The following FAIM variants were observed in gnomAD, a reference collection of about 807,000 sequenced individuals.
The protein encoded by FAIM is fas apoptotic inhibitory molecule 1.
A neutral mutation model predicts 21.2 loss-of-function variants in FAIM; 14 were observed. The ratio of observed to expected loss-of-function variants is 0.66; its 90% CI spans 0.44 to 1.03. FAIM has a LOEUF of 1.03. Among genes scored for constraint, FAIM ranks in the 50% least tolerant of loss-of-function variants. FAIM has a pLI of 0.00. For missense variants in FAIM, 222 were observed against 247.1 expected (o/e 0.90, Z 0.68); for synonymous variants, 86 against 80.4 (o/e 1.07, Z -0.37).
intron 5 of FAIM, among the ~76,000 whole-genome samples, chr3:138,631,491 T>C (rs1041824032): frequency 2.0e-5 from 3 of 152,220 alleles, no homozygotes; most frequent in African/African-American, 4.8e-5. Context: ...TGTTTTGTAG[T>C]AATTAACAGG....
At chr3:138,610,937 C>T (rs779713614) in intron 1 of FAIM, 1 of 1,606,952 alleles carries the variant, frequency 6.2e-7, no homozygotes, top group Non-Finnish European at 8.5e-7. Flanking sequence ...ACGACCCTTC[C>T]TCTATGGCCC....
Position 138,629,271 on chromosome 3 carries a change from C to CA in FAIM, c.456+121dup, listed in dbSNP as rs945352511. 2.9e-5 allele frequency: 24 copies of CA among 814,348 alleles called. 1 individual carries two copies. Among genetic ancestry groups the CA allele is most frequent in the Middle Eastern group, 2.4e-4 (1 of 4,172 alleles). 50.4% of individuals were successfully genotyped at this position (814,348 alleles called of 1,614,324 possible). A position where few individuals can be genotyped will look rare whatever the true frequency, so the allele number is the denominator to read the frequency against. ...TGAATCAAGGCCCTCTTGATAAAAA[C>CA]AAAAAAGGGATTAAGTACTCCTGAC... On this transcript the variant is annotated intron_variant, in intron 5 of 5. Transcript: ENST00000360570.
At chr3:138,616,540 A>C (rs375758446) in intron 1 of FAIM, among the ~76,000 whole-genome samples, 1 of 152,042 alleles carries the variant, frequency 6.6e-6, no homozygotes, top group East Asian at 1.9e-4. Flanking sequence ...ACACCCAGCT[A>C]ATTTTTTTTG....
Position 138,608,954 on chromosome 3 carries a change from G to C in FAIM, c.-17+17G>C, listed in dbSNP as rs1196058630. 6.5e-6 allele frequency: 1 copy of C among 153,070 alleles called. No individual in the cohort carries two copies. The highest frequency in any genetic ancestry group is 2.4e-5 in the African/African-American group (1 of 41,466). The allele number at this position is 153,070 out of a possible 1,614,324, so 9.5% of individuals were successfully genotyped here. On this transcript the variant is annotated intron_variant, in intron 1 of 5. Coordinates refer to ENST00000360570, the MANE Select transcript of FAIM (RefSeq NM_001033031.2). The stretch of plus-strand genomic sequence containing the variant: ...AGAGCACAGGTGAGGCAGCAGACCG[G>C]GTGGGGTCGGTGTCGCGCCTGCGCC...
intron 5 of FAIM, chr3:138,630,555 G>A (rs1319590576): frequency 6.6e-6 from 1 of 152,178 alleles, no homozygotes; most frequent in East Asian, 1.9e-4. Flanking sequence ...TAAATTGAGT[G>A]CTTGAGCTGT....
In FAIM at chr3:138,608,902, C is replaced by G. The variant is rs2108325887; in HGVS notation, c.-52C>G. ...GGAACCAACCGGTTGTTTGGTGAAA[C>G]CTACCCCAGAGCCTCCCGCGGCCCA... On this transcript the variant is annotated 5_prime_UTR_variant, in exon 1 of 6. Coordinates refer to ENST00000360570, the MANE Select transcript of FAIM (RefSeq NM_001033031.2). 1 of 152,530 alleles carries G rather than the reference C, an allele frequency of 6.6e-6. No individual in the cohort carries two copies. The highest frequency in any genetic ancestry group is 1.9e-4 in the East Asian group (1 of 5,182). The allele number at this position is 152,530 out of a possible 1,614,324, so 9.4% of individuals were successfully genotyped here.
At chr3:138,615,019 A>G (rs1463814640) in intron 1 of FAIM, among the ~76,000 whole-genome samples, 3 of 152,130 alleles carry the variant, frequency 2.0e-5, no homozygotes, top group African/African-American at 4.8e-5. Flanking sequence ...TGCAAGTTGA[A>G]AATATTATAA....
chr3:138,621,265 G>A, intron 2 of FAIM, 142 bp from the exon 3 acceptor site: 1 of 788,688 alleles, frequency 1.3e-6, no homozygotes, highest in Non-Finnish European at 2.0e-6. Context: ...TACATGTACT[G>A]TGAGTAGAAT....
At chr3:138,617,709 T>TGCGGTG (rs2042841020) in intron 1 of FAIM, among the ~76,000 whole-genome samples, 1 of 144,922 alleles carries the variant, frequency 6.9e-6, no homozygotes, top group African/African-American at 2.5e-5. Context: ...CAGGCTGGAG[T>TGCGGTG]ACATATAATT....
At chr3:138,627,045 C>G (rs1160608249) in intron 4 of FAIM, among the ~76,000 whole-genome samples, 1 of 152,036 alleles carries the variant, frequency 6.6e-6, no homozygotes, top group Non-Finnish European at 1.5e-5. Context: ...TCCTTGATTT[C>G]TCATAGTCTT....
chr3:138,627,182 CTT>C (rs1188996564), intron 4 of FAIM, among the ~76,000 whole-genome samples: 1 of 141,748 alleles, frequency 7.1e-6, no homozygotes, highest in Non-Finnish European at 1.5e-5. Context: ...GGCTTTTTTA[CTT>C]TTTTTTTTTT....
chr3:138,631,038 G>T (rs1209148196), intron 5 of FAIM: 1 of 151,952 alleles, frequency 6.6e-6, no homozygotes, highest in Non-Finnish European at 1.5e-5. Context: ...TCAGGAGGCT[G>T]AGGTGGAAGA....
chr3:138,609,599 T>A (rs1174595220), intron 1 of FAIM, among the ~76,000 whole-genome samples: 12 of 69,414 alleles, frequency 1.7e-4, no homozygotes, highest in African/African-American at 7.5e-4. Context: ...CTCGACTCTC[T>A]CTCTCTCTCT....
At chr3:138,626,189 C>T (rs1420478233) in intron 4 of FAIM, among the ~76,000 whole-genome samples, 1 of 152,190 alleles carries the variant, frequency 6.6e-6, no homozygotes, top group Non-Finnish European at 1.5e-5. Context: ...CATGCAGCAG[C>T]AACTCCCATG....
chr3:138,632,049 T>C (rs1157536230), intron 5 of FAIM, among the ~76,000 whole-genome samples: 1 of 151,972 alleles, frequency 6.6e-6, no homozygotes, highest in Non-Finnish European at 1.5e-5. Context: ...ATAAATCTTT[T>C]TTTTATCCTC....
intron 4 of FAIM, among the ~76,000 whole-genome samples, chr3:138,625,489 T>A (rs903302327): frequency 2.3e-4 from 35 of 151,900 alleles, no homozygotes; most frequent in African/African-American, 8.0e-4. Flanking sequence ...GATAATAATT[T>A]AAAAATATTA....
chr3:138,619,473 A>G (rs1278693483), intron 1 of FAIM, among the ~76,000 whole-genome samples: 4 of 152,260 alleles, frequency 2.6e-5, no homozygotes, highest in Non-Finnish European at 2.9e-5. Flanking sequence ...TTAAGAAATT[A>G]TAAATCCATA....
At chr3:138,613,577 A>G (rs1034637944) in intron 1 of FAIM, among the ~76,000 whole-genome samples, 2 of 152,152 alleles carry the variant, frequency 1.3e-5, no homozygotes, top group African/African-American at 4.8e-5. Flanking sequence ...TTGACCTCTC[A>G]GGCTTAAGTG....
At chr3:138,630,121 C>G (rs1016796309) in intron 5 of FAIM, 1 of 152,182 alleles carries the variant, frequency 6.6e-6, no homozygotes, top group South Asian at 2.1e-4. Flanking sequence ...TAGAGATAAT[C>G]GGAAGCTCTC....
Sources: allele counts gnomAD v4.1 joint callset (sites outside exome capture counted in the v4.1 genomes callset), GRCh38; gene constraint gnomAD v4.1.1; transcripts MANE v1.5; gene names NCBI Gene and HGNC (gene_info 2026-07-23, HGNC 2026-07-21).